Variants in GTSE1 observed in about 807,000 individuals in gnomAD.
GTSE1 encodes G2 and S-phase expressed 1.
Under a neutral mutation model 60.5 loss-of-function variants are expected in GTSE1, and 52 were observed. That is an observed-to-expected ratio of 0.86 (90% CI 0.69 to 1.08). The LOEUF (loss-of-function observed/expected upper bound fraction) is 1.08, where lower values mean the gene tolerates loss of function less well. Among genes scored for constraint, GTSE1 ranks in the 50% least tolerant of loss-of-function variants. The pLI is 0.00. For synonymous variants in GTSE1, 368 were observed against 386.5 expected (o/e 0.95, Z 0.56); for missense variants, 937 against 961.8 (o/e 0.97, Z 0.34).
intron 9 of GTSE1, 112 bp from the exon 10 acceptor site, chr22:46,328,576 G>A: frequency 7.8e-6 from 6 of 765,762 alleles, no homozygotes; most frequent in African/African-American, 1.7e-5. Flanking sequence ...CCCTAGAGCC[G>A]GGACGCACTC....
At position 46,308,301 on chromosome 22, in the gene GTSE1, C is replaced by CT. The variant is rs1207282217; in HGVS notation, c.138-11dup. 1.9e-6 allele frequency: 3 copies of CT among 1,610,310 alleles called. No homozygotes were observed. Among genetic ancestry groups the CT allele is most frequent in the Non-Finnish European group, 2.5e-6 (3 of 1,177,232 alleles). On this transcript the variant is annotated splice_polypyrimidine_tract_variant and intron_variant, in intron 3 of 11. Coordinates refer to ENST00000454366, the MANE Select transcript of GTSE1 (RefSeq NM_016426.7). ...CCAGTGTTATGAGTTATTAATCATTCTTTTTTTAAACAAATAGTGCAAATG... is the reference window on the plus strand; with the variant it reads ...CCAGTGTTATGAGTTATTAATCATTCTTTTTTTTAAACAAATAGTGCAAATG...
At position 46,317,374 on chromosome 22, in the gene GTSE1, A is replaced by G. The variant is rs1481397622; in HGVS notation, c.1432+962A>G. Among the ~76,000 whole-genome samples the G allele has an allele frequency of 6.6e-6, 1 of 152,204 alleles. No homozygotes were observed. Among genetic ancestry groups the G allele is most frequent in the South Asian group, 2.1e-4 (1 of 4,834 alleles). On this transcript the variant is annotated intron_variant, in intron 7 of 11. Coordinates refer to ENST00000454366, the MANE Select transcript of GTSE1 (RefSeq NM_016426.7). This position sits in a 1 kb window ranked among gnomAD's most constrained non-coding sequence, Gnocchi z 5.6. The stretch of plus-strand genomic sequence containing the variant: ...CCATCCAGTTAACTTTGTTTCTAAC[A>G]TAATAGTTTCCCCTTATTTCTTCTC...
At chr22:46,315,792 T>C (rs1189591551) in intron 6 of GTSE1, among the ~76,000 whole-genome samples, 1 of 152,240 alleles carries the variant, frequency 6.6e-6, no homozygotes, top group East Asian at 1.9e-4. Context: ...CTTGAATTTA[T>C]GCATGCTTAT....
At position 46,308,884 on chromosome 22, in the gene GTSE1, T is replaced by C. The variant is rs746298166; in HGVS notation, c.703T>C (p.Leu235=). 9.9e-6 allele frequency: 16 copies of C among 1,613,068 alleles called. No individual in the cohort carries two copies. The Admixed American group carries it at 2.3e-4, about 24-fold the overall frequency. The change falls in exon 4 of 12, where the codon TTG becomes CTG. Residue 235 remains leucine, a synonymous_variant. Transcript: ENST00000454366. ...AATQRKPGTK[L]LLPRAASVRG... is the part of the protein sequence containing the mutation. The stretch of plus-strand genomic sequence containing the variant: ...GACTCAGAGGAAGCCCGGGACCAAA[T>C]TGCTGCTGCCTCGAGCGGCCTCTGT...
chr22:46,320,096 T>C lies in GTSE1; in HGVS notation c.1433-3094T>C, dbSNP rs1481903580. On this transcript the variant is annotated intron_variant, in intron 7 of 11. Coordinates refer to ENST00000454366, the MANE Select transcript of GTSE1 (RefSeq NM_016426.7). This position sits in a 1 kb window ranked among gnomAD's most constrained non-coding sequence, Gnocchi z 7.1. ...TGGAGGTGTGTTCAGTAGTGTTTGC[T>C]TCCCTTCTGCCTGAATGCCTGGAGC... is the stretch of plus-strand genomic sequence containing the variant. Among the ~76,000 whole-genome samples the C allele has an allele frequency of 2.6e-5, 4 of 152,154 alleles. No individual in the cohort carries two copies. The highest frequency in any genetic ancestry group is 9.7e-5 in the African/African-American group (4 of 41,442).
Position 46,297,178 on chromosome 22 carries a change from G to T in GTSE1, c.-21-202G>T, listed in dbSNP as rs1288813243. ...GAATTCCGTTATCTCGTCTGATGGC[G>T]TTCGGGCTGACTCCCGGCCTGGCGG... On this transcript the variant is annotated intron_variant, in intron 1 of 11. Coordinates refer to ENST00000454366, the MANE Select transcript of GTSE1 (RefSeq NM_016426.7). This position sits in a 1 kb window ranked among gnomAD's most constrained non-coding sequence, Gnocchi z 4.9. Among the ~76,000 whole-genome samples the T allele has an allele frequency of 6.6e-6, 1 of 150,990 alleles. No homozygotes were observed.
Position 46,308,882 on chromosome 22 carries a change from A to G in GTSE1, c.701A>G (p.Lys234Arg). Residue 234 changes from lysine (K) to arginine (R), a missense_variant, in exon 4 of 12, where the codon AAA becomes AGA. Physicochemically the swap from Lys to Arg is conservative, Grantham distance 26. Transcript: ENST00000454366. ...QAATQRKPGT[K>R]LLLPRAASVR... The stretch of plus-strand genomic sequence containing the variant: ...GCGACTCAGAGGAAGCCCGGGACCA[A>G]ATTGCTGCTGCCTCGAGCGGCCTCT... The G allele has an allele frequency of 3.1e-6, 5 of 1,613,196 alleles. No homozygotes were observed. The highest frequency in any genetic ancestry group is 4.2e-6 in the Non-Finnish European group (5 of 1,180,024).
intron 4 of GTSE1, among the ~76,000 whole-genome samples, chr22:46,311,341 G>C (rs2077747639): frequency 6.6e-6 from 1 of 152,162 alleles, no homozygotes; most frequent in Non-Finnish European, 1.5e-5. Flanking sequence ...GCCTCACAAA[G>C]TGCTGGGATT....
chr22:46,327,866 T>A (rs1442724852), intron 9 of GTSE1, among the ~76,000 whole-genome samples: 1 of 152,124 alleles, frequency 6.6e-6, no homozygotes, highest in African/African-American at 2.4e-5. Flanking sequence ...GTGTGTGCAT[T>A]ACAGAGGGAG....
At chr22:46,303,138 G>A (rs2077698553) in intron 2 of GTSE1, among the ~76,000 whole-genome samples, 1 of 151,948 alleles carries the variant, frequency 6.6e-6, no homozygotes, top group African/African-American at 2.4e-5. Flanking sequence ...CTGACCTTGT[G>A]ATCCACCCTC....
At position 46,329,800 on chromosome 22, in the gene GTSE1, C is replaced by T. The variant is rs1391046088; in HGVS notation, c.2136+233C>T. Among the ~76,000 whole-genome samples, 1 of 152,206 alleles carries T rather than the reference C, an allele frequency of 6.6e-6. No individual in the cohort carries two copies. The highest frequency in any genetic ancestry group is 2.4e-5 in the African/African-American group (1 of 41,450). On this transcript the variant is annotated intron_variant, in intron 11 of 11. Coordinates refer to ENST00000454366, the MANE Select transcript of GTSE1 (RefSeq NM_016426.7). This position sits in a 1 kb window ranked among gnomAD's most constrained non-coding sequence, Gnocchi z 6.4. The stretch of plus-strand genomic sequence containing the variant: ...CTTGTTGGACAGGGACCGCCTCTCT[C>T]CTGCCCATAGACCCCAGGGCCAGAT...
At position 46,320,627 on chromosome 22, in the gene GTSE1, C is replaced by T. The variant is rs1240044067; in HGVS notation, c.1433-2563C>T. Among the ~76,000 whole-genome samples, 1 of 152,240 alleles carries T rather than the reference C, an allele frequency of 6.6e-6. No individual in the cohort carries two copies. The highest frequency in any genetic ancestry group is 1.9e-4 in the East Asian group (1 of 5,188). On this transcript the variant is annotated intron_variant, in intron 7 of 11. Transcript: ENST00000454366. The surrounding 1 kb of genome is among the most constrained non-coding windows in gnomAD (Gnocchi z 7.1). Reference sequence around the variant, plus strand: ...TGTAGTGGAGGCTTTCATATGTGCACTTTCTCAAAATACTCGAGGCAAGCA... The same window carrying T: ...TGTAGTGGAGGCTTTCATATGTGCATTTTCTCAAAATACTCGAGGCAAGCA...
chr22:46,308,976 G>T (rs1200852072), intron 4 of GTSE1, 33 bp downstream of exon 4: 2 of 1,576,282 alleles, frequency 1.3e-6, no homozygotes, highest in East Asian at 2.2e-5. Context: ...TGCCTGGGGA[G>T]CCCCCACTCC....
chr22:46,319,034 C>T lies in GTSE1; in HGVS notation c.1432+2622C>T, dbSNP rs2077797099. On this transcript the variant is annotated intron_variant, in intron 7 of 11. Coordinates refer to ENST00000454366, the MANE Select transcript of GTSE1 (RefSeq NM_016426.7). This position sits in a 1 kb window ranked among gnomAD's most constrained non-coding sequence, Gnocchi z 5.0. ...CCATTGAGTACGACGCTTCCCTGCACAGGATGCTAGGACACGTTGTCTTTA... is the reference window on the plus strand; with the variant it reads ...CCATTGAGTACGACGCTTCCCTGCATAGGATGCTAGGACACGTTGTCTTTA... Among the ~76,000 whole-genome samples the T allele has an allele frequency of 6.6e-6, 1 of 152,214 alleles. No homozygotes were observed. The highest frequency in any genetic ancestry group is 2.4e-5 in the African/African-American group (1 of 41,460).
At position 46,330,225 on chromosome 22, in the gene GTSE1, T is replaced by A; in HGVS notation, c.*95T>A. ...GGCTGGTCGCAGTGGCTTACACTTG[T>A]AACCCTAGAACTTGGGAGGCTGAGG... is the stretch of plus-strand genomic sequence containing the variant. On this transcript the variant is annotated 3_prime_UTR_variant, in exon 12 of 12. Transcript: ENST00000454366. This position sits in a 1 kb window ranked among gnomAD's most constrained non-coding sequence, Gnocchi z 6.0. 1 of 764,732 alleles carries A rather than the reference T, an allele frequency of 1.3e-6. No homozygotes were observed. The highest frequency in any genetic ancestry group is 2.4e-6 in the Non-Finnish European group (1 of 424,968). The allele number at this position is 764,732 out of a possible 1,614,324, so 47.4% of individuals were successfully genotyped here.
Position 46,329,237 on chromosome 22 carries a change from G to A in GTSE1, c.1927-121G>A, listed in dbSNP as rs1053121840. ...CAGAGCCTCCTTCCACCAAGGCCCC[G>A]CCTGATTCCTTGGCTTTCCAAACCG... On this transcript the variant is annotated intron_variant, in intron 10 of 11. Transcript: ENST00000454366. The surrounding 1 kb of genome is among the most constrained non-coding windows in gnomAD (Gnocchi z 6.4). 1.3e-5 allele frequency: 11 copies of A among 840,520 alleles called. No individual in the cohort carries two copies. Among genetic ancestry groups the A allele is most frequent in the South Asian group, 9.8e-5 (7 of 71,754 alleles). The allele number at this position is 840,520 out of a possible 1,614,324, so 52.1% of individuals were successfully genotyped here. A position where few individuals can be genotyped will look rare whatever the true frequency, so the allele number is the denominator to read the frequency against.
Position 46,326,442 on chromosome 22 carries a change from T to G in GTSE1, c.1512T>G (p.Thr504=). ...CTGATGTTGTGTTTGCCAGGGTCAC[T>G]GTCCACAGCACCCCGGTTAGACGCT... The part of the protein sequence containing the change: ...PQSCTSVGRV[T]VHSTPVRRSS... The change falls in exon 9 of 12, where the codon ACT becomes ACG. Residue 504 remains threonine, a synonymous_variant. Coordinates refer to ENST00000454366, the MANE Select transcript of GTSE1 (RefSeq NM_016426.7). 1 of 1,599,442 alleles carries G rather than the reference T, an allele frequency of 6.3e-7. No homozygotes were observed. The highest frequency in any genetic ancestry group is 1.3e-5 in the African/African-American group (1 of 74,826).
In GTSE1 at chr22:46,304,880, G is replaced by A. The variant is rs747190546; in HGVS notation, c.80-3270G>A. On this transcript the variant is annotated intron_variant, in intron 2 of 11. Coordinates refer to ENST00000454366, the MANE Select transcript of GTSE1 (RefSeq NM_016426.7). This position sits in a 1 kb window ranked among gnomAD's most constrained non-coding sequence, Gnocchi z 4.4. ...TGTAGTCCCAGCTACTCGGGAAGCC[G>A]AGACAGGAGGATCCCTCGAGTCCAG... Among the ~76,000 whole-genome samples the A allele has an allele frequency of 1.6e-4, 25 of 152,194 alleles. No homozygotes were observed. Among genetic ancestry groups the A allele is most frequent in the Non-Finnish European group, 3.4e-4 (23 of 68,044 alleles).
At position 46,308,929 on chromosome 22, in the gene GTSE1, G is replaced by GTTAGAGGAA. The variant is rs2077733228; in HGVS notation, c.748_749insTTAGAGGAA (p.Gly250delinsValArgGlyArg). 6.2e-7 allele frequency: 1 copy of GTTAGAGGAA among 1,610,136 alleles called. No individual in the cohort carries two copies. Among genetic ancestry groups the GTTAGAGGAA allele is most frequent in the South Asian group, 1.1e-5 (1 of 90,954 alleles). ...CTCTGTTAGAGGAAGAAGCATCCCT[G>GTTAGAGGAA]GGGCTGCGGAGAAGGTAAATGCCAC... On this transcript the variant is annotated protein_altering_variant, in exon 4 of 12. Coordinates refer to ENST00000454366, the MANE Select transcript of GTSE1 (RefSeq NM_016426.7).
Sources: gnomAD v4.1 joint callset for allele counts (sites outside exome capture counted in the v4.1 genomes callset) on GRCh38, gnomAD v4.1.1 for gene constraint, Gnocchi (gnomAD v3.1) non-coding constraint, MANE v1.5 for transcripts, NCBI Gene and HGNC (gene_info 2026-07-23, HGNC 2026-07-21) for gene names.